Variants in CNOT1 observed in about 807,000 individuals in gnomAD.
CNOT1 encodes CCR4-NOT transcription complex subunit 1, also known as CCR4-associated factor 1.
Under a neutral mutation model 273.8 loss-of-function variants are expected in CNOT1, and 15 were observed. That is an observed-to-expected ratio of 0.05 (90% CI 0.04 to 0.08). CNOT1 has a LOEUF of 0.08. Among genes scored for constraint, CNOT1 ranks in the 10% least tolerant of loss-of-function variants. CNOT1 has a pLI of 1.00. For missense variants in CNOT1, 1,644 were observed against 2,912.2 expected (o/e 0.56, Z 10.02); for synonymous variants, 1,022 against 1,005.5 (o/e 1.02, Z -0.31).
intron 35 of CNOT1, 124 bp from the exon 36 acceptor site, chr16:58,539,038 C>T: frequency 7.1e-7 from 1 of 1,404,524 alleles, no homozygotes; most frequent in Non-Finnish European, 9.4e-7. Flanking sequence ...GTCCTTTCCA[C>T]TCTCCAAACA....
At chr16:58,531,069 G>A (rs570064382) in intron 42 of CNOT1, among the ~76,000 whole-genome samples, 4 of 152,180 alleles carry the variant, frequency 2.6e-5, no homozygotes, top group African/African-American at 7.2e-5. Flanking sequence ...TCAACTCTTC[G>A]CAAATAACCT....
At chr16:58,552,667 A>G (rs1384247548) in intron 22 of CNOT1, among the ~76,000 whole-genome samples, 1 of 152,242 alleles carries the variant, frequency 6.6e-6, no homozygotes, top group Admixed American at 6.5e-5. Context: ...GATGAGGTAG[A>G]GAACACTGAA....
chr16:58,625,025 A>G (rs1367325749), intron 1 of CNOT1, among the ~76,000 whole-genome samples: 1 of 152,006 alleles, frequency 6.6e-6, no homozygotes, highest in Non-Finnish European at 1.5e-5. Flanking sequence ...TGGTGGACAG[A>G]TCGCTTGAGC....
chr16:58,526,770 TCGCGCCATTG>T (rs1287646639), intron 44 of CNOT1, among the ~76,000 whole-genome samples: 2 of 141,908 alleles, frequency 1.4e-5, no homozygotes, highest in East Asian at 2.1e-4. Context: ...GAGCCACAGC[TCGCGCCATTG>T]CGCTCCAGCC....
At position 58,527,366 on chromosome 16, in the gene CNOT1, C is replaced by CAAA. The variant is rs35633757; in HGVS notation, c.6453+1106_6453+1108dup. 5.2e-3 allele frequency among the ~76,000 whole-genome samples: 757 copies of CAAA among 145,642 alleles called. 8 individuals carry two copies. Among genetic ancestry groups the CAAA allele is most frequent in the African/African-American group, 0.018 (696 of 39,584 alleles). On this transcript the variant is annotated intron_variant, in intron 44 of 48. Coordinates refer to ENST00000317147, the MANE Select transcript of CNOT1 (RefSeq NM_016284.5). Reference sequence around the variant, plus strand: ...TGAAACCCCGTCACTACTAAAAATACAAAAAAAAAAATTAGCCAGGCATGG... The same window carrying CAAA: ...TGAAACCCCGTCACTACTAAAAATACAAAAAAAAAAAAAATTAGCCAGGCATGG...
At chr16:58,550,761 A>T (rs139823891) in intron 24 of CNOT1, among the ~76,000 whole-genome samples, 1 of 152,154 alleles carries the variant, frequency 6.6e-6, no homozygotes, top group Non-Finnish European at 1.5e-5. Flanking sequence ...CTGTCTTACC[A>T]TGTAATCTGA....
In CNOT1 at chr16:58,585,458, G is replaced by A. The variant is rs1467235246; in HGVS notation, c.686C>T (p.Pro229Leu). 6.2e-7 allele frequency: 1 copy of A among 1,613,706 alleles called. No individual in the cohort carries two copies. Among genetic ancestry groups the A allele is most frequent in the South Asian group, 1.1e-5 (1 of 91,084 alleles). Residue 229 changes from proline to leucine, a missense_variant, in exon 8 of 49, where the codon CCT becomes CTT. By Grantham distance (98) the Pro-to-Leu change is moderately conservative (BLOSUM62 -3). Transcript: ENST00000317147. ...CPVVLAPLLY[P>L]EKRDILMDRI... ...GTCCATTAGAATGTCCCGTTTTTCA[G>A]GGTATAAAAGTGGTGCGAGCACCAC...
intron 47 of CNOT1, among the ~76,000 whole-genome samples, chr16:58,521,586 TGGG>T (rs1427455126): frequency 6.6e-6 from 1 of 152,052 alleles, no homozygotes; most frequent in East Asian, 1.9e-4. Flanking sequence ...TAAGGGGTGA[TGGG>T]GGAGAGGAAG....
At chr16:58,533,498 C>T (rs913376335) in intron 40 of CNOT1, among the ~76,000 whole-genome samples, 15 of 151,966 alleles carry the variant, frequency 9.9e-5, no homozygotes, top group Non-Finnish European at 1.8e-4. Flanking sequence ...TAGCCGGGCG[C>T]GGTGGCGGGT....
intron 46 of CNOT1, among the ~76,000 whole-genome samples, chr16:58,524,297 G>T (rs534743778): frequency 4.5e-5 from 6 of 134,624 alleles, no homozygotes; most frequent in Non-Finnish European, 9.6e-5. Context: ...CTCCTAAAAA[G>T]GTCTTGACAC....
intron 1 of CNOT1, among the ~76,000 whole-genome samples, chr16:58,625,249 A>T (rs552784324): frequency 3.3e-5 from 5 of 152,140 alleles, no homozygotes; most frequent in Non-Finnish European, 7.4e-5. Flanking sequence ...GCAGTGGCTC[A>T]CGCCTGTAAT....
intron 20 of CNOT1, 114 bp downstream of exon 20, chr16:58,555,670 A>G (rs1205302350): frequency 1.9e-6 from 3 of 1,545,612 alleles, no homozygotes; most frequent in Non-Finnish European, 2.6e-6. Context: ...TAAGGTTTCA[A>G]AACACAAACC....
chr16:58,588,221 C>A (rs2151987550), intron 3 of CNOT1, among the ~76,000 whole-genome samples: 2 of 152,124 alleles, frequency 1.3e-5, no homozygotes, highest in East Asian at 3.9e-4. Context: ...ATCGCTTGAA[C>A]CCAGGAGGCA....
chr16:58,527,551 AAAT>A (rs1327351496), intron 44 of CNOT1, among the ~76,000 whole-genome samples: 7 of 152,030 alleles, frequency 4.6e-5, no homozygotes, highest in Non-Finnish European at 7.4e-5. Context: ...AAATACAAAT[AAAT>A]AATAATACAA....
intron 46 of CNOT1, among the ~76,000 whole-genome samples, chr16:58,524,874 A>AG (rs2039533100): frequency 6.6e-6 from 1 of 152,172 alleles, no homozygotes; most frequent in African/African-American, 2.4e-5. Flanking sequence ...TAACAAAACA[A>AG]TGTAACAAGA....
intron 6 of CNOT1, 97 bp from the exon 7 acceptor site, chr16:58,586,845 T>C: frequency 7.7e-7 from 1 of 1,290,330 alleles, no homozygotes; most frequent in South Asian, 1.3e-5. Context: ...ACCCTTCTCA[T>C]TCACCAGTTC....
Position 58,562,539 on chromosome 16 carries a change from G to C in CNOT1, c.1980-2177C>G, listed in dbSNP as rs967395497. Among the ~76,000 whole-genome samples the C allele has an allele frequency of 3.3e-5, 5 of 151,390 alleles. No individual in the cohort carries two copies. In the East Asian group the frequency reaches 7.8e-4, roughly 24 times the overall value. On this transcript the variant is annotated intron_variant, in intron 16 of 48. Coordinates refer to ENST00000317147, the MANE Select transcript of CNOT1 (RefSeq NM_016284.5). ...AAATTAAAAAAAAAAGCGGCGGGGG[G>C]GCGGCCAGGCACGGTGGCTCACACC... is the stretch of plus-strand genomic sequence containing the variant.
intron 1 of CNOT1, among the ~76,000 whole-genome samples, chr16:58,612,296 AAAATACT>A (rs901222654): frequency 2.0e-5 from 3 of 152,194 alleles, no homozygotes; most frequent in Non-Finnish European, 2.9e-5. Context: ...CAATACTAAA[AAAATACT>A]AAATACTAAA....
intron 21 of CNOT1, among the ~76,000 whole-genome samples, chr16:58,554,563 C>T (rs2040564458): frequency 6.6e-6 from 1 of 152,190 alleles, no homozygotes; most frequent in Non-Finnish European, 1.5e-5. Flanking sequence ...AAGACTTCTA[C>T]TGTACGAAGT....
Sources: allele counts gnomAD v4.1 joint callset (sites outside exome capture counted in the v4.1 genomes callset), GRCh38; gene constraint gnomAD v4.1.1; transcripts MANE v1.5; gene names NCBI Gene and HGNC (gene_info 2026-07-23, HGNC 2026-07-21).